Variants in WDFY2 observed in about 807,000 individuals in gnomAD.
The protein encoded by WDFY2 is WD repeat and FYVE domain-containing protein 2.
Under a neutral mutation model 56.4 loss-of-function variants are expected in WDFY2, and 36 were observed. The ratio of observed to expected loss-of-function variants is 0.64; its 90% CI spans 0.49 to 0.84. WDFY2 has a LOEUF of 0.84. Ranked by LOEUF, WDFY2 falls within the 40% of genes least tolerant of loss-of-function variation. WDFY2 has a pLI of 0.00. For synonymous variants in WDFY2, 176 were observed against 183.7 expected (o/e 0.96, Z 0.34); for missense variants, 444 against 512.2 (o/e 0.87, Z 1.29).
chr13:51,663,377 C>G (rs1955647312), intron 2 of WDFY2, among the ~76,000 whole-genome samples: 1 of 152,070 alleles, frequency 6.6e-6, no homozygotes, highest in South Asian at 2.1e-4. Context: ...GGCCACAGAT[C>G]TAGATGCCAG....
rs1953681019 is a variant in WDFY2 at position 51,764,352 on chromosome 13, T to C, written c.*4583T>C. 2.0e-5 allele frequency: 3 copies of C among 152,368 alleles called. No individual in the cohort carries two copies. The highest frequency in any genetic ancestry group is 7.2e-5 in the African/African-American group (3 of 41,450). 9.4% of individuals were successfully genotyped at this position (152,368 alleles called of 1,614,324 possible). A position where few individuals can be genotyped will look rare whatever the true frequency, so the allele number is the denominator to read the frequency against. On this transcript the variant is annotated 3_prime_UTR_variant, in exon 12 of 12. Transcript: ENST00000298125. ...CCCAGCAGGTGTGGCAGGAGGGGCT[T>C]CACAGAGGAAAGGGACTTTGAGCTC... is the stretch of plus-strand genomic sequence containing the variant.
At chr13:51,679,681 A>G (rs56882246) in intron 3 of WDFY2, among the ~76,000 whole-genome samples, 2,029 of 152,288 alleles carry the variant, frequency 0.013, 54 homozygotes, top group African/African-American at 0.047. Flanking sequence ...TAGGGCTGCC[A>G]TAACAGTACC....
chr13:51,666,606 G>T (rs970545106), intron 2 of WDFY2, among the ~76,000 whole-genome samples: 1 of 152,158 alleles, frequency 6.6e-6, no homozygotes, highest in African/African-American at 2.4e-5. Flanking sequence ...AGAAAAGATT[G>T]GGAGCAGTAG....
At chr13:51,686,781 A>G (rs1279431609) in intron 3 of WDFY2, among the ~76,000 whole-genome samples, 1 of 152,162 alleles carries the variant, frequency 6.6e-6, no homozygotes, top group Non-Finnish European at 1.5e-5. Flanking sequence ...TATTACTGAG[A>G]TTAGAGTCAA....
chr13:51,753,730 G>A (rs1419386992), intron 8 of WDFY2, among the ~76,000 whole-genome samples: 2 of 151,936 alleles, frequency 1.3e-5, no homozygotes, highest in East Asian at 1.9e-4. Context: ...TCCTGAACAC[G>A]CATGCTTCCT....
In WDFY2 at chr13:51,584,510, A is replaced by C; in HGVS notation, c.-178A>C. ...AGGTCGTGGCGGTTTTGGTGCCTGA[A>C]GCAGGGAGCGCGGAGTCGTTCCCGA... is the stretch of plus-strand genomic sequence containing the variant. On this transcript the variant is annotated 5_prime_UTR_variant, in exon 1 of 12. Transcript: ENST00000298125. 2.4e-6 allele frequency: 2 copies of C among 836,576 alleles called. No homozygotes were observed. The highest frequency in any genetic ancestry group is 3.5e-6 in the Non-Finnish European group (2 of 570,106). The allele number at this position is 836,576 out of a possible 1,614,324, so 51.8% of individuals were successfully genotyped here. A position where few individuals can be genotyped will look rare whatever the true frequency, so the allele number is the denominator to read the frequency against.
intron 1 of WDFY2, among the ~76,000 whole-genome samples, chr13:51,653,617 T>C (rs948633862): frequency 6.6e-6 from 1 of 152,264 alleles, no homozygotes; most frequent in Non-Finnish European, 1.5e-5. Context: ...CTTTTCTTCC[T>C]TCTAACAGTC....
intron 7 of WDFY2, among the ~76,000 whole-genome samples, chr13:51,744,068 C>A (rs539109205): frequency 3.3e-4 from 51 of 152,322 alleles, no homozygotes; most frequent in African/African-American, 1.2e-3. Context: ...AAGCAGATCC[C>A]TTTTACGGTG....
chr13:51,585,245 A>G (rs1441422913), intron 1 of WDFY2, among the ~76,000 whole-genome samples: 2 of 152,238 alleles, frequency 1.3e-5, no homozygotes, highest in Non-Finnish European at 2.9e-5. Context: ...TACAGCTCCC[A>G]GGGTTTCAAA....
In WDFY2 at chr13:51,761,693, C is replaced by A. The variant is rs1437271010; in HGVS notation, c.*1924C>A. 6.6e-6 allele frequency: 1 copy of A among 152,226 alleles called. No homozygotes were observed. Among genetic ancestry groups the A allele is most frequent in the Non-Finnish European group, 1.5e-5 (1 of 68,046 alleles). The allele number at this position is 152,226 out of a possible 1,614,324, so 9.4% of individuals were successfully genotyped here. On this transcript the variant is annotated 3_prime_UTR_variant, in exon 12 of 12. Coordinates refer to ENST00000298125, the MANE Select transcript of WDFY2 (RefSeq NM_052950.4). ...AGGGGGAAGTACTACAAGCTGTCCT[C>A]AGGTACTGCCCCTACGTGTGTTTCC...
chr13:51,602,360 A>T (rs541487060), intron 1 of WDFY2, among the ~76,000 whole-genome samples: 1 of 152,212 alleles, frequency 6.6e-6, no homozygotes, highest in Non-Finnish European at 1.5e-5. Flanking sequence ...GTACAGTAAC[A>T]TGTTGTACAG....
intron 5 of WDFY2, among the ~76,000 whole-genome samples, chr13:51,723,271 T>C (rs955386766): frequency 5.9e-5 from 9 of 152,246 alleles, no homozygotes; most frequent in Non-Finnish European, 1.3e-4. Context: ...ATCACAATGC[T>C]ATTGTTACAT....
At chr13:51,592,490 G>T (rs1245530530) in intron 1 of WDFY2, 1 of 151,636 alleles carries the variant, frequency 6.6e-6, no homozygotes, top group African/African-American at 2.4e-5. Context: ...CAGGAGAATC[G>T]CTTGAACCCA....
chr13:51,694,732 T>G (rs1389387567), intron 3 of WDFY2, among the ~76,000 whole-genome samples: 1 of 152,242 alleles, frequency 6.6e-6, no homozygotes, highest in Non-Finnish European at 1.5e-5. Context: ...TTGGCCTGCC[T>G]TGCTAGATTG....
chr13:51,694,425 T>A lies in WDFY2; in HGVS notation c.280-9171T>A, dbSNP rs898312205. On this transcript the variant is annotated intron_variant, in intron 3 of 11. Transcript: ENST00000298125. ...ATTTGCTTGTCTGTAAAGTATTTTA[T>A]TTCTCCTTCACTTATGAAGTTTAGT... Among the ~76,000 whole-genome samples, 297 of 152,338 alleles carry A rather than the reference T, an allele frequency of 1.9e-3. 2 individuals are homozygous for A. The highest frequency in any genetic ancestry group is 6.6e-3 in the African/African-American group (275 of 41,588).
intron 1 of WDFY2, among the ~76,000 whole-genome samples, chr13:51,655,369 C>T (rs1011129838): frequency 1.3e-5 from 2 of 151,526 alleles, no homozygotes; most frequent in Non-Finnish European, 2.9e-5. Context: ...AAATTTTCTT[C>T]TATTCCTAGT....
At position 51,761,971 on chromosome 13, in the gene WDFY2, C is replaced by G. The variant is rs1300455431; in HGVS notation, c.*2202C>G. On this transcript the variant is annotated 3_prime_UTR_variant, in exon 12 of 12. Coordinates refer to ENST00000298125, the MANE Select transcript of WDFY2 (RefSeq NM_052950.4). ...CAAAACTGTTGTAACTACTTTGAGT[C>G]TTTTCTGCATGATTGCTCTTTGAGA... is the stretch of plus-strand genomic sequence containing the variant. The G allele has an allele frequency of 6.6e-6, 1 of 152,214 alleles. No individual in the cohort carries two copies. Among genetic ancestry groups the G allele is most frequent in the Non-Finnish European group, 1.5e-5 (1 of 68,044 alleles). The allele number at this position is 152,214 out of a possible 1,614,324, so 9.4% of individuals were successfully genotyped here.
At chr13:51,636,898 A>G (rs1170036707) in intron 1 of WDFY2, among the ~76,000 whole-genome samples, 1 of 152,252 alleles carries the variant, frequency 6.6e-6, no homozygotes, top group East Asian at 1.9e-4. Flanking sequence ...CATGTGAAAA[A>G]ATGATCTTCG....
At chr13:51,606,683 T>C (rs1322391923) in intron 1 of WDFY2, among the ~76,000 whole-genome samples, 1 of 152,152 alleles carries the variant, frequency 6.6e-6, no homozygotes, top group Non-Finnish European at 1.5e-5. Flanking sequence ...TTGTATTAGT[T>C]AAAAAATTGC....
Sources: gnomAD v4.1 joint callset for allele counts (sites outside exome capture counted in the v4.1 genomes callset) on GRCh38, gnomAD v4.1.1 for gene constraint, MANE v1.5 for transcripts, NCBI Gene and HGNC (gene_info 2026-07-23, HGNC 2026-07-21) for gene names.